SPINK1: variants seen among roughly 807,000 people sequenced by gnomAD.
SPINK1 encodes the protein serine protease inhibitor Kazal-type 1.
A neutral mutation model predicts 9.5 loss-of-function variants in SPINK1; 5 were observed. That is an observed-to-expected ratio of 0.52 (90% CI 0.27 to 1.10). The LOEUF (loss-of-function observed/expected upper bound fraction) is 1.10. Among genes scored for constraint, SPINK1 ranks in the 50% least tolerant of loss-of-function variants. The pLI is 0.11. For missense variants in SPINK1, 88 were observed against 92.7 expected (o/e 0.95, Z 0.21); for synonymous variants, 37 against 32.3 (o/e 1.14, Z -0.49).
chr5:147,829,712 T>A, intron 1 of SPINK1, 82 bp from the exon 2 acceptor site: 1 of 1,279,438 alleles, frequency 7.8e-7, no homozygotes, highest in Non-Finnish European at 1.1e-6. Flanking sequence ...TCTGCTTTCA[T>A]TGCAGACTGT....
Position 147,831,573 on chromosome 5 carries a change from T to G in SPINK1, c.5A>C (p.Lys2Thr). Reference sequence around the variant, plus strand: ...ACTGAGAAGAAAGATGCCTGTTACCTTCATGGCTGAAGTTCTGCGTCCAGA... The same window carrying G: ...ACTGAGAAGAAAGATGCCTGTTACCGTCATGGCTGAAGTTCTGCGTCCAGA... MKVTGIFLLSAL... is the reference protein window; with the variant it reads MTVTGIFLLSAL... The change falls in exon 1 of 4, where the codon AAG becomes ACG. Residue 2 changes from lysine to threonine, a missense_variant. By Grantham distance (78) the Lys-to-Thr change is moderately conservative. Transcript: ENST00000296695. 1 of 1,613,538 alleles carries G rather than the reference T, an allele frequency of 6.2e-7. No individual in the cohort carries two copies. The highest frequency in any genetic ancestry group is 8.5e-7 in the Non-Finnish European group (1 of 1,179,792).
rs1366181576 is a variant in SPINK1, at chr5:147,829,591, C to T, written c.87+8G>A. 2 of 1,611,540 alleles carry T rather than the reference C, an allele frequency of 1.2e-6. No individual in the cohort carries two copies. The highest frequency in any genetic ancestry group is 1.7e-6 in the Non-Finnish European group (2 of 1,178,318). On this transcript the variant is annotated splice_region_variant and intron_variant, in intron 2 of 3. Transcript: ENST00000296695. ...CTGAGAAATAAGAAATTACAAATAT[C>T]TCTTTACCTCTCTTCCCAGGGAGTC... is the stretch of plus-strand genomic sequence containing the variant.
At chr5:147,836,878 C>T in the SPINK1 span, among the ~76,000 whole-genome samples, 13 of 152,236 alleles carry the variant, frequency 8.5e-5, no homozygotes, top group Admixed American at 4.6e-4. Context: ...TCTGGAGATA[C>T]CATATCTAAC....
At chr5:147,827,902 A>G (rs1219720774) in intron 3 of SPINK1, 120 bp downstream of exon 3, 2 of 699,602 alleles carry the variant, frequency 2.9e-6, no homozygotes, top group Non-Finnish European at 4.8e-6. Context: ...AGAAAGAGAT[A>G]ACTGTTTTTG....
chr5:147,834,263 T>C (rs766091280), upstream of SPINK1, among the ~76,000 whole-genome samples: 2 of 152,168 alleles, frequency 1.3e-5, no homozygotes, highest in Non-Finnish European at 2.9e-5. Flanking sequence ...GTGATAAATG[T>C]ATATATTTCT....
chr5:147,837,795 G>A, the SPINK1 span, among the ~76,000 whole-genome samples: 5 of 151,058 alleles, frequency 3.3e-5, no homozygotes, highest in Admixed American at 2.6e-4. Context: ...TCTGTCTTCC[G>A]GGTTCAAGTG....
upstream of SPINK1, among the ~76,000 whole-genome samples, chr5:147,835,952 T>G (rs1411881138): frequency 1.3e-5 from 2 of 152,112 alleles, no homozygotes; most frequent in African/African-American, 4.8e-5. Context: ...ATAGGTTGCA[T>G]GTGTACCTAT....
At chr5:147,831,408 G>T in intron 1 of SPINK1, 115 bp downstream of exon 1, 1 of 1,339,636 alleles carries the variant, frequency 7.5e-7, no homozygotes, top group Non-Finnish European at 1.0e-6. Flanking sequence ...CATCTCATTA[G>T]GTCCAAAACA....
rs937798978 is a variant in SPINK1, at chr5:147,831,615, C to T, written c.-38G>A. 4.3e-6 allele frequency: 7 copies of T among 1,611,766 alleles called. No homozygotes were observed. Among genetic ancestry groups the T allele is most frequent in the Non-Finnish European group, 5.9e-6 (7 of 1,179,172 alleles). The stretch of plus-strand genomic sequence containing the variant: ...GCGTCCAGAGGTCAGTTGAAAACTG[C>T]ACCGCACTTACCACGTCTCTTCAGA... On this transcript the variant is annotated 5_prime_UTR_variant, in exon 1 of 4. Coordinates refer to ENST00000296695, the MANE Select transcript of SPINK1 (RefSeq NM_001379610.1).
intron 2 of SPINK1, among the ~76,000 whole-genome samples, chr5:147,828,634 A>T (rs1176607180): frequency 6.6e-6 from 1 of 152,206 alleles, no homozygotes; most frequent in Non-Finnish European, 1.5e-5. Context: ...TATAATCATC[A>T]AATGATTGTC....
chr5:147,829,019 T>C (rs556755957), intron 2 of SPINK1, among the ~76,000 whole-genome samples: 1 of 152,274 alleles, frequency 6.6e-6, no homozygotes, highest in Non-Finnish European at 1.5e-5. Flanking sequence ...AAATGTAATA[T>C]TGCATTCATT....
At chr5:147,831,978 A>T (rs1336047495), upstream of SPINK1, among the ~76,000 whole-genome samples, 1 of 152,214 alleles carries the variant, frequency 6.6e-6, no homozygotes, top group African/African-American at 2.4e-5. Context: ...GCAGGTATGG[A>T]TAGCTACTAG....
rs1365526690 is a variant in SPINK1 at position 147,826,968 on chromosome 5, C to T, written c.194+1054G>A. On this transcript the variant is annotated intron_variant, in intron 3 of 3. Coordinates refer to ENST00000296695, the MANE Select transcript of SPINK1 (RefSeq NM_001379610.1). The stretch of plus-strand genomic sequence containing the variant: ...CAATCTCAGAAAAACTAAAGTCACT[C>T]GTGGAATCCCTTTTATTTGCTTTGT... 5 of 152,314 alleles carry T rather than the reference C, an allele frequency of 3.3e-5. No homozygotes were observed. The East Asian group carries it at 5.8e-4, about 18-fold the overall frequency. The allele number at this position is 152,314 out of a possible 1,614,324, so 9.4% of individuals were successfully genotyped here.
upstream of SPINK1, among the ~76,000 whole-genome samples, chr5:147,835,955 G>C (rs1322172325): frequency 6.6e-6 from 1 of 151,940 alleles, no homozygotes; most frequent in Non-Finnish European, 1.5e-5. Context: ...GGTTGCATGT[G>C]TACCTATTTG....
At chr5:147,825,620 T>G (rs1328672054) in intron 3 of SPINK1, among the ~76,000 whole-genome samples, 2 of 152,056 alleles carry the variant, frequency 1.3e-5, no homozygotes, top group Non-Finnish European at 2.9e-5. Context: ...ATTTGTATTT[T>G]TAGTAGAGAC....
Position 147,827,959 on chromosome 5 carries a change from A to T in SPINK1, c.194+63T>A, listed in dbSNP as rs1475623250. 114 of 1,249,480 alleles carry T rather than the reference A, an allele frequency of 9.1e-5. 1 individual carries two copies. The highest frequency in any genetic ancestry group is 1.3e-4 in the Non-Finnish European group (111 of 875,552). The allele number at this position is 1,249,480 out of a possible 1,614,324, so 77.4% of individuals were successfully genotyped here. On this transcript the variant is annotated intron_variant, in intron 3 of 3. Coordinates refer to ENST00000296695, the MANE Select transcript of SPINK1 (RefSeq NM_001379610.1). ...TTCTCGGGGTGAGATTCATATTATC[A>T]GTACACTTGAAGATAACTAACTTAA...
At chr5:147,837,340 C>A in the SPINK1 span, among the ~76,000 whole-genome samples, 1 of 152,184 alleles carries the variant, frequency 6.6e-6, no homozygotes, top group South Asian at 2.1e-4. Context: ...TGAAACAAAA[C>A]AAAAACAAAA....
chr5:147,824,977 G>A (rs1277109888), intron 3 of SPINK1, among the ~76,000 whole-genome samples: 2 of 152,144 alleles, frequency 1.3e-5, no homozygotes, highest in African/African-American at 4.8e-5. Context: ...GGGTGTTACA[G>A]TGAACCCCTG....
At chr5:147,830,362 T>G (rs1439358613) in intron 1 of SPINK1, among the ~76,000 whole-genome samples, 3 of 152,126 alleles carry the variant, frequency 2.0e-5, no homozygotes, top group African/African-American at 7.2e-5. Flanking sequence ...GATAAGTTCA[T>G]GGAAGGGAAA....
Sources: gnomAD v4.1 joint callset for allele counts (sites outside exome capture counted in the v4.1 genomes callset) on GRCh38, gnomAD v4.1.1 for gene constraint, MANE v1.5 for transcripts, NCBI Gene and HGNC (gene_info 2026-07-23, HGNC 2026-07-21) for gene names.